TTBK2: variants seen among roughly 807,000 people sequenced by gnomAD.
TTBK2 encodes tau-tubulin kinase 2.
In TTBK2, 28 loss-of-function variants were observed where a neutral mutation model predicts 110.8. The observed-to-expected ratio is 0.25, with a 90% CI of 0.19 to 0.35. The LOEUF is 0.35. Among genes scored for constraint, TTBK2 ranks in the 10% least tolerant of loss-of-function variants. The pLI is 1.00. For missense variants in TTBK2, 1,369 were observed against 1,500.3 expected (o/e 0.91, Z 1.45); for synonymous variants, 532 against 527.3 (o/e 1.01, Z -0.12).
At chr15:42,914,785 T>C (rs928754130) in intron 1 of TTBK2, among the ~76,000 whole-genome samples, 1 of 152,232 alleles carries the variant, frequency 6.6e-6, no homozygotes, top group Non-Finnish European at 1.5e-5. Context: ...CCTCTGACTC[T>C]GGTGAAGTAT....
At chr15:42,812,998 T>C (rs1891787367) in intron 7 of TTBK2, among the ~76,000 whole-genome samples, 1 of 149,414 alleles carries the variant, frequency 6.7e-6, no homozygotes, top group Admixed American at 6.7e-5. Flanking sequence ...AAGGACAGAA[T>C]AAGAAAATCT....
At chr15:42,893,723 T>C (rs1283182991) in intron 1 of TTBK2, among the ~76,000 whole-genome samples, 3 of 151,804 alleles carry the variant, frequency 2.0e-5, no homozygotes, top group African/African-American at 7.2e-5. Context: ...CAATACAATT[T>C]ATAACCTTTT....
rs529576612 is a variant in TTBK2 at position 42,742,003 on chromosome 15, T to G, written c.*3792A>C. ...CCAATGTACACTTTCTCCTTGTAGA[T>G]TGAATGCAACTATAGAAGTATTAGC... is the stretch of plus-strand genomic sequence containing the variant. On this transcript the variant is annotated 3_prime_UTR_variant, in exon 15 of 15. Transcript: ENST00000267890. 5 of 152,204 alleles carry G rather than the reference T, an allele frequency of 3.3e-5. No homozygotes were observed. 9.4% of individuals were successfully genotyped at this position (152,204 alleles called of 1,614,324 possible). A position where few individuals can be genotyped will look rare whatever the true frequency, so the allele number is the denominator to read the frequency against.
intron 1 of TTBK2, among the ~76,000 whole-genome samples, chr15:42,893,007 T>A: frequency 7.8e-6 from 1 of 128,630 alleles, no homozygotes; most frequent in Non-Finnish European, 1.6e-5. Context: ...CAAGACTCTG[T>A]CTCAAAAAAA....
chr15:42,741,298 G>T lies in TTBK2; in HGVS notation c.*4497C>A, dbSNP rs1009210545. 1 of 152,214 alleles carries T rather than the reference G, an allele frequency of 6.6e-6. No homozygotes were observed. Among genetic ancestry groups the T allele is most frequent in the African/African-American group, 2.4e-5 (1 of 41,452 alleles). 9.4% of individuals were successfully genotyped at this position (152,214 alleles called of 1,614,324 possible). A position where few individuals can be genotyped will look rare whatever the true frequency, so the allele number is the denominator to read the frequency against. ...ATCCCGCCATATGGGCTGATGGTTG[G>T]AACTGCCTTTAGTTCTCTAAGTAAA... On this transcript the variant is annotated 3_prime_UTR_variant, in exon 15 of 15. Transcript: ENST00000267890.
intron 1 of TTBK2, among the ~76,000 whole-genome samples, chr15:42,913,944 A>G (rs1359878312): frequency 6.6e-6 from 1 of 152,020 alleles, no homozygotes; most frequent in Admixed American, 6.6e-5. Context: ...CCTTTTCTGT[A>G]TCTTCACTGC....
intron 9 of TTBK2, among the ~76,000 whole-genome samples, chr15:42,797,113 T>C (rs1266115590): frequency 6.6e-6 from 1 of 152,186 alleles, no homozygotes; most frequent in Non-Finnish European, 1.5e-5. Flanking sequence ...CTCCTAACTC[T>C]GAAATCAAGG....
At chr15:42,772,923 A>G (rs1246188854) in intron 13 of TTBK2, among the ~76,000 whole-genome samples, 1 of 150,414 alleles carries the variant, frequency 6.6e-6, no homozygotes, top group Non-Finnish European at 1.5e-5. Flanking sequence ...TCTACAAAAC[A>G]ACAACAACAA....
rs1388748569 is a variant in TTBK2, at chr15:42,738,765, A to T, written c.*7030T>A. The T allele has an allele frequency of 6.6e-6, 1 of 152,178 alleles. No individual in the cohort carries two copies. The highest frequency in any genetic ancestry group is 1.5e-5 in the Non-Finnish European group (1 of 68,028). 9.4% of individuals were successfully genotyped at this position (152,178 alleles called of 1,614,324 possible). On this transcript the variant is annotated 3_prime_UTR_variant, in exon 15 of 15. Coordinates refer to ENST00000267890, the MANE Select transcript of TTBK2 (RefSeq NM_173500.4). The stretch of plus-strand genomic sequence containing the variant: ...TATTTTAATTTTATTACAGGAAAAC[A>T]TCTCCTAACTGCAGGGACACTTAAC...
chr15:42,834,941 A>G (rs1892931349), intron 4 of TTBK2, among the ~76,000 whole-genome samples: 1 of 152,208 alleles, frequency 6.6e-6, no homozygotes, highest in Admixed American at 6.5e-5. Flanking sequence ...TTATGGATTT[A>G]TTATATAGTT....
chr15:42,858,067 T>C (rs950319299), intron 3 of TTBK2, among the ~76,000 whole-genome samples: 1 of 150,924 alleles, frequency 6.6e-6, no homozygotes, highest in South Asian at 2.1e-4. Flanking sequence ...AGACCTTGTC[T>C]CAAAAAAAAA....
Position 42,775,218 on chromosome 15 carries a change from G to A in TTBK2, c.1915C>T (p.Leu639Phe). The A allele has an allele frequency of 6.2e-7, 1 of 1,614,234 alleles. No individual in the cohort carries two copies. The highest frequency in any genetic ancestry group is 8.5e-7 in the Non-Finnish European group (1 of 1,180,040). Reference protein sequence around the residue: ...ASEQYTDRLELQPGAASQFIA... With the variant: ...ASEQYTDRLEFQPGAASQFIA... ...AACTGACTAGCAGCTCCAGGCTGGA[G>A]TTCCAGCCTATCTGTATATTGTTCT... Residue 639 changes from leucine (L) to phenylalanine (F), a missense_variant, in exon 13 of 15, where the codon CTC becomes TTC. By Grantham distance (22) the Leu-to-Phe change is conservative (BLOSUM62 0). Around this residue, in one of 4 missense-constraint regions of TTBK2, gnomAD observed 1,097 missense variants for 1,114.7 expected, o/e 0.98. Transcript: ENST00000267890.
At chr15:42,780,184 GCTAA>G (rs1051182493) in intron 11 of TTBK2, among the ~76,000 whole-genome samples, 1 of 140,694 alleles carries the variant, frequency 7.1e-6, no homozygotes, top group Non-Finnish European at 1.5e-5. Context: ...AACATGCCCG[GCTAA>G]CTTTTTTTTT....
chr15:42,789,839 T>C lies in TTBK2; in HGVS notation c.980+4805A>G, dbSNP rs575867474. Among the ~76,000 whole-genome samples the C allele has an allele frequency of 5.6e-5, 5 of 89,690 alleles. No homozygotes were observed. The South Asian group carries it at 1.3e-3, about 24-fold the overall frequency. The allele number at this position is 89,690 out of a possible 152,430, so 58.8% of individuals were successfully genotyped here. A position where few individuals can be genotyped will look rare whatever the true frequency, so the allele number is the denominator to read the frequency against. On this transcript the variant is annotated intron_variant, in intron 10 of 14. Transcript: ENST00000267890. Reference sequence around the variant, plus strand: ...ATTCCATTGTGTGTGCATATATATATACAAATACATACAATACACACACAC... The same window carrying C: ...ATTCCATTGTGTGTGCATATATATACACAAATACATACAATACACACACAC...
intron 9 of TTBK2, among the ~76,000 whole-genome samples, chr15:42,802,686 G>A (rs986797664): frequency 5.9e-5 from 9 of 152,136 alleles, no homozygotes; most frequent in African/African-American, 1.9e-4. Flanking sequence ...GAAATGTGTC[G>A]ACAGGCATTT....
At chr15:42,754,720 T>C (rs1226553533) in intron 13 of TTBK2, among the ~76,000 whole-genome samples, 1 of 134,584 alleles carries the variant, frequency 7.4e-6, no homozygotes, top group Non-Finnish European at 1.6e-5. Context: ...TTTTTAAAGA[T>C]CAAGCGGGCT....
At chr15:42,805,707 G>A (rs921743803) in intron 9 of TTBK2, among the ~76,000 whole-genome samples, 6 of 152,174 alleles carry the variant, frequency 3.9e-5, no homozygotes, top group Non-Finnish European at 8.8e-5. Flanking sequence ...CTCCCCTGCA[G>A]TTAGAATTGG....
At chr15:42,915,990 A>G (rs1490424498) in intron 1 of TTBK2, among the ~76,000 whole-genome samples, 1 of 152,112 alleles carries the variant, frequency 6.6e-6, no homozygotes, top group African/African-American at 2.4e-5. Flanking sequence ...ATCCAGGAGA[A>G]ATAGGGAGCA....
chr15:42,912,265 T>G (rs903623896), intron 1 of TTBK2, among the ~76,000 whole-genome samples: 1 of 152,160 alleles, frequency 6.6e-6, no homozygotes, highest in African/African-American at 2.4e-5. Context: ...TGGAGGATGA[T>G]ATAATGTAAG....
Sources: allele counts gnomAD v4.1 joint callset (sites outside exome capture counted in the v4.1 genomes callset), GRCh38; gene constraint gnomAD v4.1.1; regional missense constraint gnomAD v4.1.1; transcripts MANE v1.5; gene names NCBI Gene and HGNC (gene_info 2026-07-23, HGNC 2026-07-21).